The following TRNAU1AP variants were observed in gnomAD, a reference collection of about 807,000 sequenced individuals.
The protein encoded by TRNAU1AP is tRNA selenocysteine 1-associated protein 1.
Under a neutral mutation model 43.3 loss-of-function variants are expected in TRNAU1AP, and 33 were observed. The ratio of observed to expected loss-of-function variants is 0.76; its 90% CI spans 0.58 to 1.02. The LOEUF (loss-of-function observed/expected upper bound fraction) is 1.02. Ranked by LOEUF, TRNAU1AP falls within the 50% of genes least tolerant of loss-of-function variation. TRNAU1AP has a pLI of 0.00. For missense variants in TRNAU1AP, 290 were observed against 362.7 expected (o/e 0.80, Z 1.63); for synonymous variants, 143 against 129.1 (o/e 1.11, Z -0.73).
chr1:28,578,018 C>T lies in TRNAU1AP; in HGVS notation c.*382C>T, dbSNP rs1665841504. 1 of 168,014 alleles carries T rather than the reference C, an allele frequency of 6.0e-6. No individual in the cohort carries two copies. The highest frequency in any genetic ancestry group is 1.5e-4 in the South Asian group (1 of 6,884). The allele number at this position is 168,014 out of a possible 1,614,324, so 10.4% of individuals were successfully genotyped here. A position where few individuals can be genotyped will look rare whatever the true frequency, so the allele number is the denominator to read the frequency against. ...GGGTTCTCTGGAGTATTTGTAGGAC[C>T]TGCCATATTTGAGTCCTAACTTGGT... On this transcript the variant is annotated 3_prime_UTR_variant, in exon 9 of 9. Coordinates refer to ENST00000373830, the MANE Select transcript of TRNAU1AP (RefSeq NM_017846.5).
chr1:28,575,471 T>G (rs1038967449), intron 8 of TRNAU1AP, among the ~76,000 whole-genome samples: 1 of 151,110 alleles, frequency 6.6e-6, no homozygotes, highest in African/African-American at 2.4e-5. Context: ...TTTTGTTTTT[T>G]TTTTTTTTGA....
At chr1:28,567,162 C>A in intron 5 of TRNAU1AP, 132 bp from the exon 6 acceptor site, 1 of 920,156 alleles carries the variant, frequency 1.1e-6, no homozygotes. Flanking sequence ...TTAATGGACT[C>A]TCTCTTTCTC....
chr1:28,577,535 AAGG>A lies in TRNAU1AP; in HGVS notation c.766_768del (p.Glu256del), dbSNP rs1404510073. On this transcript the variant is annotated inframe_deletion, in exon 9 of 9. Transcript: ENST00000373830. ...ACAGCTGGATGTGACTGAGGCCAAC[AAGG>A]AGTTCATGGAACAGAGTGAGGAGCT... 8 of 1,613,960 alleles carry A rather than the reference AAGG, an allele frequency of 5.0e-6. No homozygotes were observed. Among genetic ancestry groups the A allele is most frequent in the African/African-American group, 1.3e-5 (1 of 74,908 alleles).
Position 28,577,656 on chromosome 1 carries a change from AG to A in TRNAU1AP, c.*22del. The A allele has an allele frequency of 6.2e-7, 1 of 1,605,072 alleles. No homozygotes were observed. Among genetic ancestry groups the A allele is most frequent in the Non-Finnish European group, 8.5e-7 (1 of 1,175,698 alleles). On this transcript the variant is annotated 3_prime_UTR_variant, in exon 9 of 9. Coordinates refer to ENST00000373830, the MANE Select transcript of TRNAU1AP (RefSeq NM_017846.5). ...ATGTAGCCAGGCCAAAGGACAAGCC[AG>A]GTTGCATGATGTGAGGGAGATGAGA...
intron 4 of TRNAU1AP, among the ~76,000 whole-genome samples, chr1:28,563,360 C>T (rs903764879): frequency 6.6e-6 from 1 of 151,652 alleles, no homozygotes; most frequent in Non-Finnish European, 1.5e-5. Flanking sequence ...CCAGCCTGAC[C>T]AACATAGAGA....
At chr1:28,557,469 CTTTTTTTTTT>C (rs753718490) in intron 2 of TRNAU1AP, among the ~76,000 whole-genome samples, 2 of 118,162 alleles carry the variant, frequency 1.7e-5, no homozygotes, top group South Asian at 5.9e-4. Flanking sequence ...TTACATGTTT[CTTTTTTTTTT>C]TTTTTTTTTT....
chr1:28,561,450 C>CA, intron 4 of TRNAU1AP, 52 bp downstream of exon 4: 1 of 1,605,230 alleles, frequency 6.2e-7, no homozygotes, highest in South Asian at 1.1e-5. Flanking sequence ...CTGTGCCTGT[C>CA]ACTGCCATAT....
intron 1 of TRNAU1AP, 148 bp downstream of exon 1, chr1:28,553,285 C>A: frequency 1.0e-6 from 1 of 993,624 alleles, no homozygotes; most frequent in Non-Finnish European, 1.4e-6. Flanking sequence ...AAGCGGGTTC[C>A]AGCATCTAAG....
chr1:28,567,187 T>C (rs1279861367), intron 5 of TRNAU1AP, 107 bp from the exon 6 acceptor site: 8 of 1,250,110 alleles, frequency 6.4e-6, no homozygotes, highest in Non-Finnish European at 9.1e-6. Flanking sequence ...CAGCCTCTTT[T>C]CCTTTCTACA....
intron 5 of TRNAU1AP, among the ~76,000 whole-genome samples, chr1:28,566,229 C>T (rs768535379): frequency 3.3e-5 from 5 of 149,438 alleles, no homozygotes; most frequent in South Asian, 2.1e-4. Context: ...GCAGAAGAAT[C>T]GCTTCAACCT....
rs1458730309 is a variant in TRNAU1AP at position 28,577,619 on chromosome 1, A to G, written c.847A>G (p.Ile283Val). 1.9e-6 allele frequency: 3 copies of G among 1,613,928 alleles called. No homozygotes were observed. The highest frequency in any genetic ancestry group is 2.5e-6 in the Non-Finnish European group (3 of 1,180,000). ...GCCCCTGGACACAGTGTCTTCAGAGATCCCTGCCATGATGTAGCCAGGCCA... is the reference window on the plus strand; with the variant it reads ...GCCCCTGGACACAGTGTCTTCAGAGGTCCCTGCCATGATGTAGCCAGGCCA... ...WQPLDTVSSE[I>V]PAMM Residue 283 changes from isoleucine to valine, a missense_variant, in exon 9 of 9, where the codon ATC (isoleucine) becomes GTC (valine). Ile to Val is a conservative substitution (Grantham distance 29). This residue lies in a region of TRNAU1AP where 57 missense variants were observed against 55.1 expected (regional missense o/e 1.03). Transcript: ENST00000373830.
At chr1:28,557,508 G>A (rs1298087907) in intron 2 of TRNAU1AP, among the ~76,000 whole-genome samples, 1 of 135,798 alleles carries the variant, frequency 7.4e-6, no homozygotes, top group Non-Finnish European at 1.6e-5. Flanking sequence ...GCAGAGTTTC[G>A]CTCTTGTCAC....
intron 8 of TRNAU1AP, 96 bp from the exon 9 acceptor site, chr1:28,577,404 C>A: frequency 7.1e-7 from 1 of 1,408,364 alleles, no homozygotes; most frequent in East Asian, 2.3e-5. Context: ...GGATAGGGAC[C>A]TTACCATAGA....
At chr1:28,563,009 C>T (rs563787236) in intron 4 of TRNAU1AP, among the ~76,000 whole-genome samples, 7 of 151,314 alleles carry the variant, frequency 4.6e-5, no homozygotes, top group South Asian at 4.2e-4. Flanking sequence ...AATTCTCCTG[C>T]CTCAGCCTCC....
chr1:28,563,718 G>C (rs755395666), intron 4 of TRNAU1AP, among the ~76,000 whole-genome samples: 1 of 151,856 alleles, frequency 6.6e-6, no homozygotes, highest in Non-Finnish European at 1.5e-5. Context: ...TGGATGTAGT[G>C]GCATGTGCCT....
At chr1:28,561,185 G>A (rs1665396650) in intron 3 of TRNAU1AP, 161 bp from the exon 4 acceptor site, 1 of 1,454,498 alleles carries the variant, frequency 6.9e-7, no homozygotes, top group East Asian at 2.5e-5. Flanking sequence ...TGCCCTTAGC[G>A]GTCATCCGTG....
At chr1:28,577,379 TG>T in intron 8 of TRNAU1AP, 120 bp from the exon 9 acceptor site, 1 of 1,121,858 alleles carries the variant, frequency 8.9e-7, no homozygotes, top group Non-Finnish European at 1.3e-6. Flanking sequence ...TTTCACTTCC[TG>T]AAAGAAACTG....
intron 8 of TRNAU1AP, among the ~76,000 whole-genome samples, chr1:28,573,948 A>AG (rs1315054363): frequency 3.9e-5 from 6 of 151,948 alleles, no homozygotes; most frequent in Admixed American, 3.3e-4. Flanking sequence ...AAAAAAAAAA[A>AG]CAACAGTATT....
Position 28,564,808 on chromosome 1 carries a change from G to A in TRNAU1AP, c.384G>A (p.Val128=), listed in dbSNP as rs1665500710. The part of the protein sequence containing the change: ...KVYPSCRGGK[V]VLDQTGVSKG... The stretch of plus-strand genomic sequence containing the variant: ...ACCCCTCCTGTCGGGGAGGCAAGGT[G>A]GTTTTGGACCAGACAGGCGTGTCTA... The change falls in exon 5 of 9, where the codon GTG becomes GTA. Residue 128 remains valine (V), a synonymous_variant. Transcript: ENST00000373830. The A allele has an allele frequency of 1.2e-6, 2 of 1,614,094 alleles. No individual in the cohort carries two copies. The highest frequency in any genetic ancestry group is 1.7e-6 in the Non-Finnish European group (2 of 1,180,012).
Sources: gnomAD v4.1 joint callset for allele counts (sites outside exome capture counted in the v4.1 genomes callset) on GRCh38, gnomAD v4.1.1 for gene constraint, gnomAD v4.1.1 regional missense constraint, MANE v1.5 for transcripts, NCBI Gene and HGNC (gene_info 2026-07-23, HGNC 2026-07-21) for gene names.